The following UNC13C variants were observed in gnomAD, a reference collection of about 807,000 sequenced individuals.
UNC13C encodes unc-13 homolog C.
In UNC13C, 174 loss-of-function variants were observed where a neutral mutation model predicts 245.4. The observed-to-expected ratio is 0.71, with a 90% CI of 0.63 to 0.80. UNC13C has a LOEUF of 0.80. Ranked by LOEUF, UNC13C falls within the 30% of genes least tolerant of loss-of-function variation. The pLI, the probability that UNC13C is intolerant of heterozygous loss-of-function variation, is 0.00. For synonymous variants in UNC13C, 992 were observed against 895.1 expected (o/e 1.11, Z -1.93); for missense variants, 2,829 against 2,602.9 (o/e 1.09, Z -1.89).
intron 8 of UNC13C, among the ~76,000 whole-genome samples, chr15:54,251,607 T>C (rs574140245): frequency 6.6e-6 from 1 of 152,210 alleles, no homozygotes; most frequent in Admixed American, 6.5e-5. Context: ...ATACACATAA[T>C]TGACTTTTCA....
rs528420762 is a variant in UNC13C at position 54,621,736 on chromosome 15, A to T, written c.6107-591A>T. Among the ~76,000 whole-genome samples, 4 of 152,322 alleles carry T rather than the reference A, an allele frequency of 2.6e-5. No homozygotes were observed. In the South Asian group the frequency reaches 8.3e-4, roughly 32 times the overall value. On this transcript the variant is annotated intron_variant, in intron 30 of 32. Coordinates refer to ENST00000260323, the MANE Select transcript of UNC13C (RefSeq NM_001080534.3). ...TGGTGACATACTGTGATTTGAATTC[A>T]TGTTTATCTGAACCGAAATCACAGG...
chr15:54,265,134 A>G (rs1169486756), intron 9 of UNC13C, among the ~76,000 whole-genome samples: 1 of 152,038 alleles, frequency 6.6e-6, no homozygotes, highest in Non-Finnish European at 1.5e-5. Context: ...GTATGTATAT[A>G]GCTACTTTTC....
intron 1 of UNC13C, among the ~76,000 whole-genome samples, chr15:54,006,479 G>T (rs1360417926): frequency 6.6e-6 from 1 of 151,772 alleles, no homozygotes. Context: ...TATTGCTTTT[G>T]CCTTAAAGTA....
At chr15:54,032,531 T>C (rs1021263255) in intron 2 of UNC13C, among the ~76,000 whole-genome samples, 3 of 152,150 alleles carry the variant, frequency 2.0e-5, no homozygotes, top group Admixed American at 6.6e-5. Flanking sequence ...TGAAAAACTC[T>C]TGCTTTTAAG....
chr15:54,091,823 A>G (rs537202041), intron 2 of UNC13C, among the ~76,000 whole-genome samples: 40 of 152,012 alleles, frequency 2.6e-4, no homozygotes, highest in Middle Eastern at 3.4e-3. Flanking sequence ...CATGTTTTCC[A>G]TTTGGCTTGA....
At chr15:54,378,094 A>G (rs571222573) in intron 17 of UNC13C, among the ~76,000 whole-genome samples, 208 of 152,208 alleles carry the variant, frequency 1.4e-3, no homozygotes, top group African/African-American at 4.9e-3. Flanking sequence ...ACATTTGGAG[A>G]CATCAGATAC....
intron 10 of UNC13C, among the ~76,000 whole-genome samples, chr15:54,288,203 A>G (rs766345280): frequency 2.0e-4 from 30 of 152,170 alleles, no homozygotes; most frequent in South Asian, 4.1e-4. Flanking sequence ...TGGTCCTAGC[A>G]ACAGAAGTAG....
chr15:54,610,004 T>G (rs1899990570), intron 30 of UNC13C, among the ~76,000 whole-genome samples: 1 of 152,084 alleles, frequency 6.6e-6, no homozygotes, highest in African/African-American at 2.4e-5. Context: ...ATGATTCAAT[T>G]ACTTCCTACC....
At chr15:53,938,565 A>G in the UNC13C span, among the ~76,000 whole-genome samples, 1 of 152,164 alleles carries the variant, frequency 6.6e-6, no homozygotes, top group Non-Finnish European at 1.5e-5. Flanking sequence ...CATTCTTCTC[A>G]TGGCCAAATG....
At chr15:54,263,254 G>A (rs1008834562) in intron 8 of UNC13C, among the ~76,000 whole-genome samples, 5 of 152,064 alleles carry the variant, frequency 3.3e-5, no homozygotes, top group African/African-American at 1.2e-4. Flanking sequence ...TTTAGCAGTG[G>A]CAGTTCCTGT....
At chr15:54,133,650 T>C (rs992424073) in intron 2 of UNC13C, among the ~76,000 whole-genome samples, 1 of 152,008 alleles carries the variant, frequency 6.6e-6, no homozygotes, top group Admixed American at 6.6e-5. Context: ...TTATAGGGAG[T>C]ACCCAGCATG....
At chr15:54,568,950 A>G (rs1236836724) in intron 30 of UNC13C, among the ~76,000 whole-genome samples, 2 of 152,106 alleles carry the variant, frequency 1.3e-5, no homozygotes, top group Admixed American at 6.6e-5. Context: ...CTTTTCATAT[A>G]TCCCAGGTTA....
chr15:54,036,379 T>A (rs1477472776), intron 2 of UNC13C, among the ~76,000 whole-genome samples: 2 of 152,166 alleles, frequency 1.3e-5, no homozygotes, highest in African/African-American at 4.8e-5. Context: ...GAAATCCTGA[T>A]GTTGTTCAAA....
Position 54,316,879 on chromosome 15 carries a change from G to A in UNC13C, c.4269-5060G>A, listed in dbSNP as rs531544986. ...AAACCTTTTGGCTGCCTCTATGATT[G>A]CACTTTCTGCTGTACAACAAAATTA... is the stretch of plus-strand genomic sequence containing the variant. On this transcript the variant is annotated intron_variant, in intron 13 of 32. Coordinates refer to ENST00000260323, the MANE Select transcript of UNC13C (RefSeq NM_001080534.3). 2.6e-5 allele frequency among the ~76,000 whole-genome samples: 4 copies of A among 152,010 alleles called. No individual in the cohort carries two copies. The East Asian group carries it at 7.8e-4, about 30-fold the overall frequency.
At chr15:54,471,976 T>A (rs10851570) in intron 19 of UNC13C, among the ~76,000 whole-genome samples, 62,406 of 151,436 alleles carry the variant, frequency 0.41, 13,143 homozygotes, top group East Asian at 0.62. Flanking sequence ...TGTTGATAGA[T>A]AAGAACTTAC....
intron 19 of UNC13C, among the ~76,000 whole-genome samples, chr15:54,443,286 A>T (rs534019704): frequency 1.3e-5 from 2 of 151,986 alleles, no homozygotes; most frequent in South Asian, 2.1e-4. Flanking sequence ...GACTTTGTTT[A>T]TTTGGATCTT....
chr15:54,263,810 T>C (rs952353865), intron 8 of UNC13C, among the ~76,000 whole-genome samples: 1 of 152,182 alleles, frequency 6.6e-6, no homozygotes, highest in Non-Finnish European at 1.5e-5. Flanking sequence ...TGGATACCCA[T>C]TGAAGAAATA....
chr15:54,592,158 G>C (rs996209094), intron 30 of UNC13C, among the ~76,000 whole-genome samples: 1 of 152,100 alleles, frequency 6.6e-6, no homozygotes, highest in Non-Finnish European at 1.5e-5. Flanking sequence ...TGGTCTGAGA[G>C]TGCTTGATAT....
chr15:54,133,297 A>G (rs974694150), intron 2 of UNC13C, among the ~76,000 whole-genome samples: 3 of 152,206 alleles, frequency 2.0e-5, no homozygotes, highest in African/African-American at 7.2e-5. Flanking sequence ...AGAACCTCTG[A>G]TGGATCTAAT....
Sources: allele counts gnomAD v4.1 joint callset (sites outside exome capture counted in the v4.1 genomes callset), GRCh38; gene constraint gnomAD v4.1.1; transcripts MANE v1.5; gene names NCBI Gene and HGNC (gene_info 2026-07-23, HGNC 2026-07-21).